DNAH5: variants seen among roughly 807,000 people sequenced by gnomAD.
DNAH5 encodes dynein axonemal heavy chain 5, also known as axonemal beta dynein heavy chain 5.
In DNAH5, 372 loss-of-function variants were observed where a neutral mutation model predicts 518.2. That is an observed-to-expected ratio of 0.72 (90% CI 0.66 to 0.78). The LOEUF (loss-of-function observed/expected upper bound fraction) is 0.78. DNAH5 is among the 30% of genes least tolerant of loss of function. The probability of loss-of-function intolerance (pLI) is 0.00; values close to 1 mark genes in which losing one functional copy is unlikely to be tolerated. For synonymous variants in DNAH5, 2,039 were observed against 2,025.9 expected, an observed-to-expected ratio of 1.01 and a Z score of -0.17; for missense variants, 5,523 against 5,687.0, an observed-to-expected ratio of 0.97 and a Z score of 0.93.
At chr5:13,924,371 C>T (rs1037799226) in intron 3 of DNAH5, among the ~76,000 whole-genome samples, 2 of 152,200 alleles carry the variant, frequency 1.3e-5, no homozygotes, top group East Asian at 1.9e-4. Context: ...CTCATATTCA[C>T]ATCTTAAAAA....
At chr5:13,720,948 T>C in intron 71 of DNAH5, 52 bp downstream of exon 71, 1 of 1,612,960 alleles carries the variant, frequency 6.2e-7, no homozygotes, top group Non-Finnish European at 8.5e-7. Context: ...ATTGCTATTC[T>C]ATAACCTGTA....
Position 13,870,917 on chromosome 5 carries a change from C to T in DNAH5, c.3684G>A (p.Glu1228=), listed in dbSNP as rs780079379. 2.5e-6 allele frequency: 4 copies of T among 1,613,854 alleles called. No individual in the cohort carries two copies. The highest frequency in any genetic ancestry group is 3.3e-4 in the Middle Eastern group (2 of 6,062). ...CAATAAGCATAAAAATGTTTTCCAT[C>T]TCACTCCGGTATTTTTTGTTACAGT... ...GRHCNKKYRS[E]MENIFMLIEE... Residue 1228 remains glutamate (E), a synonymous_variant, in exon 24 of 79, where the codon GAG becomes GAA. Coordinates refer to ENST00000265104, the MANE Select transcript of DNAH5 (RefSeq NM_001369.3).
chr5:13,786,340 C>T lies in DNAH5; in HGVS notation c.8659G>A (p.Glu2887Lys). Residue 2887 changes from glutamate to lysine, a missense_variant, in exon 52 of 79, where the codon GAA (glutamate) becomes AAA (lysine). Around this residue, in one of 3 missense-constraint regions of DNAH5, gnomAD observed 5,121 missense variants for 5,223.3 expected, o/e 0.98. Transcript: ENST00000265104. Reference protein sequence around the residue: ...DAPEAAGETSEEADAETPKIY... With the variant: ...DAPEAAGETSKEADAETPKIY... ...TTAGGTGTTTCAGCATCAGCCTCTTCAGATGTTTCACCTTTGGTGGGAAAT... is the reference window on the plus strand; with the variant it reads ...TTAGGTGTTTCAGCATCAGCCTCTTTAGATGTTTCACCTTTGGTGGGAAAT... The T allele has an allele frequency of 6.2e-7, 1 of 1,614,056 alleles. No individual in the cohort carries two copies. Among genetic ancestry groups the T allele is most frequent in the East Asian group, 2.2e-5 (1 of 44,882 alleles).
At chr5:13,889,728 G>A (rs1315992308) in intron 17 of DNAH5, among the ~76,000 whole-genome samples, 1 of 152,132 alleles carries the variant, frequency 6.6e-6, no homozygotes, top group Admixed American at 6.5e-5. Flanking sequence ...CAGAAACATT[G>A]CACAGAGGGG....
intron 25 of DNAH5, among the ~76,000 whole-genome samples, chr5:13,867,044 G>A (rs1033162622): frequency 2.0e-5 from 3 of 152,190 alleles, no homozygotes; most frequent in Non-Finnish European, 4.4e-5. Context: ...TGTTATTTGT[G>A]TAACCAAGGA....
At chr5:13,811,327 T>C (rs2127023961) in intron 44 of DNAH5, among the ~76,000 whole-genome samples, 1 of 152,334 alleles carries the variant, frequency 6.6e-6, no homozygotes, top group Admixed American at 6.5e-5. Flanking sequence ...ACCTACTATG[T>C]ACCCACAAAA....
At position 13,867,811 on chromosome 5, in the gene DNAH5, A is replaced by G; in HGVS notation, c.4016T>C (p.Leu1339Pro). Residue 1339 changes from leucine to proline, a missense_variant, in exon 25 of 79, where the codon CTC becomes CCC. Transcript: ENST00000265104. ...KELISAVEVF[L>P]QDCHQFYLDY... Reference sequence around the variant, plus strand: ...CAGATAAAACTGGTGACAATCTTGGAGGAATACCTCCACAGCACTAATAAG... The same window carrying G: ...CAGATAAAACTGGTGACAATCTTGGGGGAATACCTCCACAGCACTAATAAG... 6.2e-7 allele frequency: 1 copy of G among 1,614,046 alleles called. No homozygotes were observed. Among genetic ancestry groups the G allele is most frequent in the Non-Finnish European group, 8.5e-7 (1 of 1,179,968 alleles).
intron 32 of DNAH5, among the ~76,000 whole-genome samples, chr5:13,842,150 T>C (rs1190788935): frequency 6.6e-6 from 1 of 151,738 alleles, no homozygotes; most frequent in South Asian, 2.1e-4. Context: ...GAGGCCGCTC[T>C]AGGTGGATCA....
Position 13,936,741 on chromosome 5 carries a change from ATTTCT to A in DNAH5, c.58-5502_58-5498del, listed in dbSNP as rs527528327. ...AGTGAAACAAAACATTTTCATAATG[ATTTCT>A]TTTAATTGTACAAATGTTTAAGCTT... On this transcript the variant is annotated intron_variant, in intron 1 of 78. Transcript: ENST00000265104. 6.0e-4 allele frequency among the ~76,000 whole-genome samples: 91 copies of A among 152,286 alleles called. 2 individuals carry two copies. In the South Asian group the frequency reaches 0.015, roughly 25 times the overall value.
At chr5:13,723,657 G>T (rs1362989319) in intron 70 of DNAH5, among the ~76,000 whole-genome samples, 1 of 152,192 alleles carries the variant, frequency 6.6e-6, no homozygotes, top group East Asian at 1.9e-4. Flanking sequence ...TAAAAAGCAT[G>T]GCTATGTTCC....
intron 32 of DNAH5, among the ~76,000 whole-genome samples, chr5:13,842,629 G>C (rs939800159): frequency 1.3e-5 from 2 of 151,968 alleles, no homozygotes; most frequent in Non-Finnish European, 2.9e-5. Flanking sequence ...ATGAAATGAG[G>C]CTTCTAAAAC....
chr5:13,698,404 A>G (rs1313919780), intron 78 of DNAH5, among the ~76,000 whole-genome samples: 2 of 152,216 alleles, frequency 1.3e-5, no homozygotes, highest in African/African-American at 4.8e-5. Flanking sequence ...TTGAATTAAC[A>G]AACGCCAAGC....
chr5:13,900,268 G>C lies in DNAH5; in HGVS notation c.2197C>G (p.Pro733Ala). 1 of 1,614,132 alleles carries C rather than the reference G, an allele frequency of 6.2e-7. No individual in the cohort carries two copies. Among genetic ancestry groups the C allele is most frequent in the Non-Finnish European group, 8.5e-7 (1 of 1,179,980 alleles). ...CMAQMGLEVS[P>A]LATSLFQKRD... ...TTCTGGAAGAGGGAAGTTGCCAGTG[G>C]AGAGACTTCCAGACCCATCTGGGCC... The change falls in exon 15 of 79, where the codon CCA (proline) becomes GCA (alanine). Residue 733 changes from proline (P) to alanine (A), a missense_variant. Pro to Ala is a conservative substitution (Grantham distance 27). This residue lies in a region of DNAH5 where 5,121 missense variants were observed against 5,223.3 expected (regional missense o/e 0.98). Transcript: ENST00000265104.
chr5:13,748,016 A>G (rs1749651211), intron 65 of DNAH5, among the ~76,000 whole-genome samples: 1 of 152,176 alleles, frequency 6.6e-6, no homozygotes, highest in African/African-American at 2.4e-5. Flanking sequence ...TTTTAGGTCT[A>G]ACATTGAAGT....
Position 13,817,655 on chromosome 5 carries a change from T to C in DNAH5, c.6881A>G (p.Lys2294Arg), listed in dbSNP as rs1761623715. ...KPHREMRMNPKAITAPQMFGR... is the reference protein window; with the variant it reads ...KPHREMRMNPRAITAPQMFGR... ...AAACATCTGTGGGGCAGTAATCGCT[T>C]TGGGATTCATCCTCATTTCCCGATG... The change falls in exon 42 of 79, where the codon AAA becomes AGA. Residue 2294 changes from lysine to arginine, a missense_variant. Lys to Arg is a conservative substitution (Grantham distance 26, BLOSUM62 2). Around this residue, in one of 3 missense-constraint regions of DNAH5, gnomAD observed 5,121 missense variants for 5,223.3 expected, o/e 0.98. Transcript: ENST00000265104. 2 of 1,614,076 alleles carry C rather than the reference T, an allele frequency of 1.2e-6. No homozygotes were observed. The highest frequency in any genetic ancestry group is 1.3e-5 in the African/African-American group (1 of 74,924).
At chr5:13,860,413 A>G (rs1482781075) in intron 29 of DNAH5, 1 of 152,268 alleles carries the variant, frequency 6.6e-6, no homozygotes, top group Non-Finnish European at 1.5e-5. Flanking sequence ...AGCATTAAAA[A>G]TTACTGATGC....
rs1561096150 is a variant in DNAH5, at chr5:13,714,319, T to C, written c.13125+86A>G. ...TGTTTTTTAATTTCAGGAAAATCAT[T>C]TTTTGCCCTCCTTTCTTCTTCCTCA... On this transcript the variant is annotated intron_variant, in intron 75 of 78. Transcript: ENST00000265104. The C allele has an allele frequency of 7.4e-6, 10 of 1,360,438 alleles. No homozygotes were observed. In the East Asian group the frequency reaches 2.3e-4, roughly 31 times the overall value. 84.3% of individuals were successfully genotyped at this position (1,360,438 alleles called of 1,614,324 possible).
chr5:13,887,366 T>C (rs947541995), intron 17 of DNAH5, among the ~76,000 whole-genome samples: 4 of 152,128 alleles, frequency 2.6e-5, no homozygotes, highest in African/African-American at 4.8e-5. Context: ...GTAAATAGCA[T>C]AGAAATTAAC....
In DNAH5 at chr5:13,871,751, G is replaced by A; in HGVS notation, c.3411C>T (p.Ser1137=). 2 of 1,613,488 alleles carry A rather than the reference G, an allele frequency of 1.2e-6. No homozygotes were observed. Among genetic ancestry groups the A allele is most frequent in the Non-Finnish European group, 1.7e-6 (2 of 1,179,624 alleles). Residue 1137 remains serine, a synonymous_variant, in exon 23 of 79, where the codon TCC becomes TCT. Coordinates refer to ENST00000265104, the MANE Select transcript of DNAH5 (RefSeq NM_001369.3). The stretch of plus-strand genomic sequence containing the variant: ...GATTGTAGCGTTTGAAGCAATCCAT[G>A]GATGTAATAACTTCCTGAATGCAAA... The part of the protein sequence containing the change: ...INSTKKEVIT[S]MDCFKRYNHI...
Sources: allele counts gnomAD v4.1 joint callset (sites outside exome capture counted in the v4.1 genomes callset), GRCh38; gene constraint gnomAD v4.1.1; regional missense constraint gnomAD v4.1.1; transcripts MANE v1.5; gene names NCBI Gene and HGNC (gene_info 2026-07-23, HGNC 2026-07-21).